Variants in STX4 observed in about 807,000 individuals in gnomAD.
STX4 encodes the protein syntaxin 4, also known as syntaxin-4.
In STX4, 24 loss-of-function variants were observed where a neutral mutation model predicts 41.8. That is an observed-to-expected ratio of 0.57 (90% CI 0.42 to 0.81). The LOEUF is 0.81. STX4 is among the 30% of genes least tolerant of loss of function. The probability of loss-of-function intolerance (pLI) is 0.00; values close to 1 mark genes in which losing one functional copy is unlikely to be tolerated. For synonymous variants in STX4, 158 were observed against 156.4 expected, an observed-to-expected ratio of 1.01 and a Z score of -0.08; for missense variants, 316 against 389.9, an observed-to-expected ratio of 0.81 and a Z score of 1.60.
At position 31,038,506 on chromosome 16, in the gene STX4, C is replaced by A. The variant is rs779814233; in HGVS notation, c.565-4C>A. 6 of 1,614,150 alleles carry A rather than the reference C, an allele frequency of 3.7e-6. No individual in the cohort carries two copies. Among genetic ancestry groups the A allele is most frequent in the Non-Finnish European group, 4.2e-6 (5 of 1,180,018 alleles). On this transcript the variant is annotated splice_polypyrimidine_tract_variant and splice_region_variant and intron_variant, in intron 7 of 10. Transcript: ENST00000313843. Reference sequence around the variant, plus strand: ...CAGTTGCCCCACTCCTGTCCACCCCCCAGATCCTGAAGGACACGCAGGTGA... The same window carrying A: ...CAGTTGCCCCACTCCTGTCCACCCCACAGATCCTGAAGGACACGCAGGTGA...
At chr16:31,034,860 A>G (rs1318772654) in intron 4 of STX4, 110 bp from the exon 5 acceptor site, 4 of 1,029,198 alleles carry the variant, frequency 3.9e-6, no homozygotes, top group Non-Finnish European at 5.6e-6. Context: ...AGAAAAATAA[A>G]CTTACTTTCT....
rs2056781501 is a variant in STX4, at chr16:31,034,270, C to T, written c.177C>T (p.Val59=). Residue 59 remains valine (V), a synonymous_variant, in exon 3 of 11, where the codon GTC becomes GTT. Coordinates refer to ENST00000313843, the MANE Select transcript of STX4 (RefSeq NM_004604.5). ...CTATTGTCAAACTGGGGAATAAAGT[C>T]CAGGAGTTGGAGAAACAGCAGGTCA... ...RQTIVKLGNK[V]QELEKQQVTI... 1.2e-6 allele frequency: 2 copies of T among 1,614,146 alleles called. No individual in the cohort carries two copies. The highest frequency in any genetic ancestry group is 8.5e-7 in the Non-Finnish European group (1 of 1,180,024).
In STX4 at chr16:31,039,922, C is replaced by A; in HGVS notation, c.*26C>A. 1 of 1,197,718 alleles carries A rather than the reference C, an allele frequency of 8.3e-7. No individual in the cohort carries two copies. 74.2% of individuals were successfully genotyped at this position (1,197,718 alleles called of 1,614,324 possible). A position where few individuals can be genotyped will look rare whatever the true frequency, so the allele number is the denominator to read the frequency against. On this transcript the variant is annotated 3_prime_UTR_variant, in exon 11 of 11. Transcript: ENST00000313843. The surrounding 1 kb of genome is among the most constrained non-coding windows in gnomAD (Gnocchi z 4.1). The stretch of plus-strand genomic sequence containing the variant: ...CTCCTTTCCTTACAGGCACTAGGAG[C>A]ACCAGGAACCCAGGGCCTGGCCTTC...
chr16:31,040,151 A>C lies in STX4; in HGVS notation c.*255A>C. 1 of 273,610 alleles carries C rather than the reference A, an allele frequency of 3.7e-6. No homozygotes were observed. The highest frequency in any genetic ancestry group is 7.0e-6 in the Non-Finnish European group (1 of 142,926). The allele number at this position is 273,610 out of a possible 1,614,324, so 16.9% of individuals were successfully genotyped here. A position where few individuals can be genotyped will look rare whatever the true frequency, so the allele number is the denominator to read the frequency against. On this transcript the variant is annotated 3_prime_UTR_variant, in exon 11 of 11. Transcript: ENST00000313843. ...ACGGTTTTGTAAAAAATTAAAAAACAAAAAAAGAGCATAGAAAGCCCTGTG... is the reference window on the plus strand; with the variant it reads ...ACGGTTTTGTAAAAAATTAAAAAACCAAAAAAGAGCATAGAAAGCCCTGTG...
Position 31,033,920 on chromosome 16 carries a change from T to G in STX4, c.30+85T>G. The G allele has an allele frequency of 6.9e-7, 1 of 1,457,452 alleles. No homozygotes were observed. The highest frequency in any genetic ancestry group is 2.5e-5 in the East Asian group (1 of 40,096). 90.3% of individuals were successfully genotyped at this position (1,457,452 alleles called of 1,614,324 possible). On this transcript the variant is annotated intron_variant, in intron 1 of 10. Coordinates refer to ENST00000313843, the MANE Select transcript of STX4 (RefSeq NM_004604.5). The surrounding 1 kb of genome is among the most constrained non-coding windows in gnomAD (Gnocchi z 5.5). ...GGTCTTCGGGATAGGGAGGGGTGGCTGATGGCCAGGAAGGAAAGTCCCGGA... is the reference window on the plus strand; with the variant it reads ...GGTCTTCGGGATAGGGAGGGGTGGCGGATGGCCAGGAAGGAAAGTCCCGGA...
At position 31,038,117 on chromosome 16, in the gene STX4, A is replaced by G. The variant is rs760980449; in HGVS notation, c.491A>G (p.Asn164Ser). ...ERIRRQLKIT[N>S]AGMVSDEELE... ...AGCCTGGCCTTTTCCTTCACAGCCAATGCTGGGATGGTGTCTGATGAGGAG... is the reference window on the plus strand; with the variant it reads ...AGCCTGGCCTTTTCCTTCACAGCCAGTGCTGGGATGGTGTCTGATGAGGAG... Residue 164 changes from asparagine (N) to serine (S), a missense_variant, in exon 7 of 11, where the codon AAT becomes AGT. Transcript: ENST00000313843. 3.8e-5 allele frequency: 61 copies of G among 1,614,018 alleles called. No homozygotes were observed. Among genetic ancestry groups the G allele is most frequent in the South Asian group, 4.4e-5 (4 of 91,092 alleles).
chr16:31,038,718 G>A, intron 8 of STX4, 71 bp downstream of exon 8: 1 of 1,573,820 alleles, frequency 6.4e-7, no homozygotes, highest in Non-Finnish European at 8.6e-7. Context: ...GCCACCCTTA[G>A]ATTCTCTCCC....
chr16:31,036,993 G>T (rs1319048655), intron 5 of STX4, among the ~76,000 whole-genome samples: 4 of 151,006 alleles, frequency 2.6e-5, no homozygotes, highest in Admixed American at 2.6e-4. Flanking sequence ...CACTTTGGAG[G>T]CTGAGGTGGG....
At chr16:31,037,064 C>CCTT (rs1491425907) in intron 5 of STX4, among the ~76,000 whole-genome samples, 7 of 122,278 alleles carry the variant, frequency 5.7e-5, no homozygotes, top group Admixed American at 8.1e-5. Context: ...ACCCCCCCCC[C>CCTT]TTTTTTTTTT....
Position 31,033,602 on chromosome 16 carries a change from A to G in STX4, c.-204A>G. The G allele has an allele frequency of 6.6e-7, 1 of 1,507,898 alleles. No homozygotes were observed. The highest frequency in any genetic ancestry group is 8.9e-7 in the Non-Finnish European group (1 of 1,127,140). The allele number at this position is 1,507,898 out of a possible 1,614,324, so 93.4% of individuals were successfully genotyped here. On this transcript the variant is annotated 5_prime_UTR_variant, in exon 1 of 11. Coordinates refer to ENST00000313843, the MANE Select transcript of STX4 (RefSeq NM_004604.5). The surrounding 1 kb of genome is among the most constrained non-coding windows in gnomAD (Gnocchi z 5.5). ...GAGCGGGGAAGAAAAGGGAATTCCAACCTGTGGAACCTTGGGGGGTCCCCG... is the reference window on the plus strand; with the variant it reads ...GAGCGGGGAAGAAAAGGGAATTCCAGCCTGTGGAACCTTGGGGGGTCCCCG...
intron 7 of STX4, 102 bp downstream of exon 7, chr16:31,038,292 C>A: frequency 6.8e-7 from 1 of 1,477,366 alleles, no homozygotes; most frequent in Non-Finnish European, 9.3e-7. Context: ...CTGCCTCAGC[C>A]TCCCGAGTAG....
chr16:31,034,631 T>G, intron 4 of STX4, 95 bp downstream of exon 4: 2 of 1,361,398 alleles, frequency 1.5e-6, no homozygotes, highest in Non-Finnish European at 2.0e-6. Context: ...GCCAGTGATA[T>G]ATCCAGGTCA....
rs186297007 is a variant in STX4 at position 31,039,660 on chromosome 16, C to T, written c.813+9C>T. The T allele has an allele frequency of 5.3e-5, 86 of 1,614,188 alleles. No homozygotes were observed. The Admixed American group carries it at 1.3e-3, about 25-fold the overall frequency. ...AGAAGAAGGCGAGGAAGGTGAGCCT[C>T]CCAGGCCCGGCCACTGCCCCAGGCA... is the stretch of plus-strand genomic sequence containing the variant. On this transcript the variant is annotated intron_variant, in intron 9 of 10. Coordinates refer to ENST00000313843, the MANE Select transcript of STX4 (RefSeq NM_004604.5). This position sits in a 1 kb window ranked among gnomAD's most constrained non-coding sequence, Gnocchi z 4.1.
chr16:31,033,417 G>A, upstream of STX4: 1 of 1,423,744 alleles, frequency 7.0e-7, no homozygotes, highest in Non-Finnish European at 9.7e-7. The surrounding 1 kb of genome is among the most constrained non-coding windows in gnomAD (Gnocchi z 5.5). Context: ...CAACGGTTCC[G>A]GTGACGGTAG....
chr16:31,033,345 C>A (rs1478397831), upstream of STX4: 5 of 827,972 alleles, frequency 6.0e-6, no homozygotes, highest in South Asian at 4.3e-5. The surrounding 1 kb of genome is among the most constrained non-coding windows in gnomAD (Gnocchi z 5.5). Context: ...GCGGGTGTCT[C>A]GGATTACGTA....
upstream of STX4, chr16:31,033,177 T>G: frequency 1.2e-5 from 7 of 572,340 alleles, no homozygotes; most frequent in East Asian, 4.0e-5. The surrounding 1 kb of genome is among the most constrained non-coding windows in gnomAD (Gnocchi z 5.5). Context: ...CGCTCGGTCG[T>G]TGGGGTGCCG....
At position 31,040,066 on chromosome 16, in the gene STX4, C is replaced by T; in HGVS notation, c.*170C>T. 2 of 553,162 alleles carry T rather than the reference C, an allele frequency of 3.6e-6. No individual in the cohort carries two copies. Among genetic ancestry groups the T allele is most frequent in the South Asian group, 4.2e-5 (2 of 48,182 alleles). The allele number at this position is 553,162 out of a possible 1,614,324, so 34.3% of individuals were successfully genotyped here. A position where few individuals can be genotyped will look rare whatever the true frequency, so the allele number is the denominator to read the frequency against. The stretch of plus-strand genomic sequence containing the variant: ...TTGGCAGCTGCTCATTCATGATGGC[C>T]TCCTCCTTCAGGCCTCAATGCCTGG... On this transcript the variant is annotated 3_prime_UTR_variant, in exon 11 of 11. Coordinates refer to ENST00000313843, the MANE Select transcript of STX4 (RefSeq NM_004604.5).
chr16:31,033,759 T>C lies in STX4; in HGVS notation c.-47T>C, dbSNP rs1428805747. On this transcript the variant is annotated 5_prime_UTR_variant, in exon 1 of 11. Transcript: ENST00000313843. This position sits in a 1 kb window ranked among gnomAD's most constrained non-coding sequence, Gnocchi z 5.5. ...GAGCGGGGTACGGGAATTCCAAATT[T>C]GAGGGCCTCCCGGCTCTGGCGCCGG... is the stretch of plus-strand genomic sequence containing the variant. 1 of 1,448,836 alleles carries C rather than the reference T, an allele frequency of 6.9e-7. No homozygotes were observed. Among genetic ancestry groups the C allele is most frequent in the Non-Finnish European group, 9.1e-7 (1 of 1,098,932 alleles). 89.7% of individuals were successfully genotyped at this position (1,448,836 alleles called of 1,614,324 possible). A position where few individuals can be genotyped will look rare whatever the true frequency, so the allele number is the denominator to read the frequency against.
chr16:31,033,230 A>C, upstream of STX4: 1 of 650,116 alleles, frequency 1.5e-6, no homozygotes, highest in Non-Finnish European at 2.9e-6. The surrounding 1 kb of genome is among the most constrained non-coding windows in gnomAD (Gnocchi z 5.5). Flanking sequence ...CGGCGGTGAC[A>C]GAGCCGGGAC....
Sources: allele counts gnomAD v4.1 joint callset (sites outside exome capture counted in the v4.1 genomes callset), GRCh38; gene constraint gnomAD v4.1.1; non-coding constraint Gnocchi (gnomAD v3.1); transcripts MANE v1.5; gene names NCBI Gene and HGNC (gene_info 2026-07-23, HGNC 2026-07-21).